The following C15orf40 variants were observed in gnomAD, a reference collection of about 807,000 sequenced individuals.
The protein encoded by C15orf40 is chromosome 15 open reading frame 40, also known as UPF0235 protein C15orf40.
C15orf40 carries 9 observed loss-of-function variants against 13.9 expected under a neutral mutation model. That is an observed-to-expected ratio of 0.65 (90% confidence interval 0.39 to 1.13). The LOEUF is 1.13. Among genes scored for constraint, C15orf40 ranks in the 50% most tolerant of loss-of-function variants. C15orf40 has a pLI of 0.01. For synonymous variants in C15orf40, 95 were observed against 69.2 expected (o/e 1.37, Z -1.85); for missense variants, 225 against 188.5 (o/e 1.19, Z -1.13).
At position 83,002,134 on chromosome 15, in the gene C15orf40, C is replaced by G. The variant is rs1394876711; in HGVS notation, c.*3463G>C. ...ATGGTGGCCAGGCTGGTCTTGAACT[C>G]CTGACCTCAGGTGATCCACCCACCT... On this transcript the variant is annotated 3_prime_UTR_variant, in exon 4 of 4. Coordinates refer to ENST00000304177, the MANE Select transcript of C15orf40 (RefSeq NM_144597.3). The G allele has an allele frequency of 1.3e-5, 2 of 152,250 alleles. No homozygotes were observed. Among genetic ancestry groups the G allele is most frequent in the African/African-American group, 4.8e-5 (2 of 41,450 alleles). The allele number at this position is 152,250 out of a possible 1,614,324, so 9.4% of individuals were successfully genotyped here.
In C15orf40 at chr15:83,005,423, T is replaced by A; in HGVS notation, c.*174A>T. On this transcript the variant is annotated 3_prime_UTR_variant, in exon 4 of 4. Coordinates refer to ENST00000304177, the MANE Select transcript of C15orf40 (RefSeq NM_144597.3). ...CCTCAGCCTCCTGAGTAACTGGGATTACAGGCATGCGCCATCACATCTGGC... is the reference window on the plus strand; with the variant it reads ...CCTCAGCCTCCTGAGTAACTGGGATAACAGGCATGCGCCATCACATCTGGC... The A allele has an allele frequency of 1.6e-6, 1 of 640,590 alleles. No individual in the cohort carries two copies. Among genetic ancestry groups the A allele is most frequent in the Non-Finnish European group, 2.2e-6 (1 of 453,670 alleles). 39.7% of individuals were successfully genotyped at this position (640,590 alleles called of 1,614,324 possible). A position where few individuals can be genotyped will look rare whatever the true frequency, so the allele number is the denominator to read the frequency against.
intron 2 of C15orf40, among the ~76,000 whole-genome samples, chr15:83,009,517 C>T (rs2031880458): frequency 6.6e-6 from 1 of 152,208 alleles, no homozygotes; most frequent in Admixed American, 6.5e-5. Flanking sequence ...GTTTGAAATA[C>T]AGAGCTTTAG....
At position 82,996,628 on chromosome 15, in the gene C15orf40, G is replaced by A. The variant is rs897275581; in HGVS notation, c.*8969C>T. The stretch of plus-strand genomic sequence containing the variant: ...ACTGCACTCCAGCCTGGGTGACAGA[G>A]TGAGACTCCGTCTCAAAATAAAATT... On this transcript the variant is annotated 3_prime_UTR_variant, in exon 4 of 4. Transcript: ENST00000304177. The A allele has an allele frequency of 2.6e-5, 4 of 151,592 alleles. No individual in the cohort carries two copies. The highest frequency in any genetic ancestry group is 5.9e-5 in the Non-Finnish European group (4 of 67,936). The allele number at this position is 151,592 out of a possible 1,614,324, so 9.4% of individuals were successfully genotyped here.
rs923195288 is a variant in C15orf40, at chr15:83,004,397, G to T, written c.*1200C>A. Reference sequence around the variant, plus strand: ...CGCACAACTGCAGATCAGCTCTCCTGATCAGCAAAGGAAATTAATTTTATT... The same window carrying T: ...CGCACAACTGCAGATCAGCTCTCCTTATCAGCAAAGGAAATTAATTTTATT... On this transcript the variant is annotated 3_prime_UTR_variant, in exon 4 of 4. Coordinates refer to ENST00000304177, the MANE Select transcript of C15orf40 (RefSeq NM_144597.3). 1.1e-5 allele frequency: 11 copies of T among 976,828 alleles called. No individual in the cohort carries two copies. The highest frequency in any genetic ancestry group is 1.2e-5 in the Non-Finnish European group (10 of 822,250). The allele number at this position is 976,828 out of a possible 1,614,324, so 60.5% of individuals were successfully genotyped here. A position where few individuals can be genotyped will look rare whatever the true frequency, so the allele number is the denominator to read the frequency against.
chr15:82,994,345 AATTTTATTT>A (rs1304919049), downstream of C15orf40, among the ~76,000 whole-genome samples: 1 of 141,896 alleles, frequency 7.0e-6, no homozygotes, highest in East Asian at 2.9e-4. Context: ...GTTTTTTAAA[AATTTTATTT>A]ATTTTAAACA....
chr15:83,004,682 TCTTTA>T lies in C15orf40; in HGVS notation c.*910_*914del, dbSNP rs1368122101. On this transcript the variant is annotated 3_prime_UTR_variant, in exon 4 of 4. Transcript: ENST00000304177. ...ACATTTAATTACAAGTCATGATTTT[TCTTTA>T]CTTTTTCAACAAAATGGTAAATATA... 1 of 918,724 alleles carries T rather than the reference TCTTTA, an allele frequency of 1.1e-6. No individual in the cohort carries two copies. Among genetic ancestry groups the T allele is most frequent in the Non-Finnish European group, 1.3e-6 (1 of 766,546 alleles). The allele number at this position is 918,724 out of a possible 1,614,324, so 56.9% of individuals were successfully genotyped here.
Position 82,997,214 on chromosome 15 carries a change from A to ATT in C15orf40, c.*8381_*8382dup, listed in dbSNP as rs1431630539. 1 of 94,360 alleles carries ATT rather than the reference A, an allele frequency of 1.1e-5. No homozygotes were observed. Among genetic ancestry groups the ATT allele is most frequent in the East Asian group, 3.0e-4 (1 of 3,338 alleles). 5.8% of individuals were successfully genotyped at this position (94,360 alleles called of 1,614,324 possible). A position where few individuals can be genotyped will look rare whatever the true frequency, so the allele number is the denominator to read the frequency against. Reference sequence around the variant, plus strand: ...TTTTGTTTTTCATTTTTATTTATTTATTTTTATTTTTTTTTAATTTATTTT... The same window carrying ATT: ...TTTTGTTTTTCATTTTTATTTATTTATTTTTTTATTTTTTTTTAATTTATTTT... On this transcript the variant is annotated 3_prime_UTR_variant, in exon 4 of 4. Transcript: ENST00000304177.
chr15:82,992,667 C>CG (rs1438509550), downstream of C15orf40, among the ~76,000 whole-genome samples: 12 of 152,154 alleles, frequency 7.9e-5, no homozygotes, highest in Admixed American at 7.9e-4. Context: ...CCAAGGCCAG[C>CG]GCTGGAGGAG....
chr15:83,004,814 G>A lies in C15orf40; in HGVS notation c.*783C>T, dbSNP rs750172753. 1.1e-4 allele frequency: 137 copies of A among 1,251,418 alleles called. No homozygotes were observed. Among genetic ancestry groups the A allele is most frequent in the Non-Finnish European group, 1.3e-4 (129 of 957,254 alleles). The allele number at this position is 1,251,418 out of a possible 1,614,324, so 77.5% of individuals were successfully genotyped here. ...CAGCATAACAGGTTTTCTGTCACTT[G>A]TAAACTGGATTAGAAGGCAATCCCC... On this transcript the variant is annotated 3_prime_UTR_variant, in exon 4 of 4. Coordinates refer to ENST00000304177, the MANE Select transcript of C15orf40 (RefSeq NM_144597.3).
intron 3 of C15orf40, 130 bp downstream of exon 3, chr15:83,008,418 C>T: frequency 2.2e-6 from 2 of 906,374 alleles, no homozygotes; most frequent in Non-Finnish European, 1.7e-6. Context: ...ACTCAGGAAG[C>T]TGAGGCAGGA....
chr15:83,001,084 A>C lies in C15orf40; in HGVS notation c.*4513T>G. ...CGCCTCAGCCTCCCAAAGTGCTGGG[A>C]TTACAGGCATAAGCCACTGCACTGG... On this transcript the variant is annotated 3_prime_UTR_variant, in exon 4 of 4. Transcript: ENST00000304177. 1.0e-6 allele frequency: 1 copy of C among 984,840 alleles called. No individual in the cohort carries two copies. The allele number at this position is 984,840 out of a possible 1,614,324, so 61.0% of individuals were successfully genotyped here.
chr15:83,011,367 G>C, intron 1 of C15orf40, 130 bp downstream of exon 1: 1 of 1,088,828 alleles, frequency 9.2e-7, no homozygotes, highest in South Asian at 1.8e-5. Context: ...CGGCTGTCCT[G>C]AGCCCCGGAA....
Position 83,000,561 on chromosome 15 carries a change from G to A in C15orf40, c.*5036C>T, listed in dbSNP as rs2031375455. On this transcript the variant is annotated 3_prime_UTR_variant, in exon 4 of 4. Coordinates refer to ENST00000304177, the MANE Select transcript of C15orf40 (RefSeq NM_144597.3). ...CCTAATAGTGCTGTTCACTACAAAA[G>A]GAAACGAGTTTCAGTTTGTGTGGCT... 6.6e-6 allele frequency: 1 copy of A among 152,188 alleles called. No homozygotes were observed. The allele number at this position is 152,188 out of a possible 1,614,324, so 9.4% of individuals were successfully genotyped here.
Position 82,998,005 on chromosome 15 carries a change from G to C in C15orf40, c.*7592C>G, listed in dbSNP as rs1448874487. ...TCCCGGACGGGGCGGCTGGCCAGGC[G>C]GGGGGCTGACCCCCCCACCTCCCTC... On this transcript the variant is annotated 3_prime_UTR_variant, in exon 4 of 4. Transcript: ENST00000304177. 1 of 137,292 alleles carries C rather than the reference G, an allele frequency of 7.3e-6. No individual in the cohort carries two copies. The highest frequency in any genetic ancestry group is 2.2e-4 in the East Asian group (1 of 4,514). The allele number at this position is 137,292 out of a possible 1,614,324, so 8.5% of individuals were successfully genotyped here. A position where few individuals can be genotyped will look rare whatever the true frequency, so the allele number is the denominator to read the frequency against.
Position 82,996,190 on chromosome 15 carries a change from T to C in C15orf40, c.*9407A>G, listed in dbSNP as rs2031063146. 6.6e-6 allele frequency: 1 copy of C among 152,266 alleles called. No individual in the cohort carries two copies. Among genetic ancestry groups the C allele is most frequent in the Admixed American group, 6.5e-5 (1 of 15,288 alleles). 9.4% of individuals were successfully genotyped at this position (152,266 alleles called of 1,614,324 possible). A position where few individuals can be genotyped will look rare whatever the true frequency, so the allele number is the denominator to read the frequency against. Reference sequence around the variant, plus strand: ...AGGGGATGATGTGATGATGATCTCATGGTTTTTTTCCACTGCTCGTGCCTT... The same window carrying C: ...AGGGGATGATGTGATGATGATCTCACGGTTTTTTTCCACTGCTCGTGCCTT... On this transcript the variant is annotated 3_prime_UTR_variant, in exon 4 of 4. Transcript: ENST00000304177.
chr15:82,990,727 C>T, downstream of C15orf40: 1 of 1,258,988 alleles, frequency 7.9e-7, no homozygotes, highest in Non-Finnish European at 1.1e-6. Context: ...GGGTACACAT[C>T]ATTTTATACA....
rs1389245430 is a variant in C15orf40 at position 82,999,910 on chromosome 15, A to C, written c.*5687T>G. On this transcript the variant is annotated 3_prime_UTR_variant, in exon 4 of 4. Coordinates refer to ENST00000304177, the MANE Select transcript of C15orf40 (RefSeq NM_144597.3). ...ACTAAATTATGAGGATTGTCTGAGG[A>C]ATGCCTATGTGGGTAGAAATAGGTG... 6.6e-6 allele frequency: 1 copy of C among 152,154 alleles called. No homozygotes were observed. Among genetic ancestry groups the C allele is most frequent in the Non-Finnish European group, 1.5e-5 (1 of 68,044 alleles). 9.4% of individuals were successfully genotyped at this position (152,154 alleles called of 1,614,324 possible).
downstream of C15orf40, chr15:82,989,264 G>C (rs1194862000): frequency 5.3e-6 from 8 of 1,502,098 alleles, no homozygotes; most frequent in South Asian, 1.3e-5. Context: ...TGGAAGGCCA[G>C]TGAGGGCAGG....
rs918942721 is a variant in C15orf40 at position 83,004,130 on chromosome 15, T to C, written c.*1467A>G. 1 of 152,404 alleles carries C rather than the reference T, an allele frequency of 6.6e-6. No individual in the cohort carries two copies. The highest frequency in any genetic ancestry group is 2.4e-5 in the African/African-American group (1 of 41,026). 9.4% of individuals were successfully genotyped at this position (152,404 alleles called of 1,614,324 possible). A position where few individuals can be genotyped will look rare whatever the true frequency, so the allele number is the denominator to read the frequency against. On this transcript the variant is annotated 3_prime_UTR_variant, in exon 4 of 4. Transcript: ENST00000304177. ...TGTATAAAATCTATCTATGTATATC[T>C]ATCTATCTATAAAGAAAGAGACAGA...
Sources: allele counts gnomAD v4.1 joint callset (sites outside exome capture counted in the v4.1 genomes callset), GRCh38; gene constraint gnomAD v4.1.1; transcripts MANE v1.5; gene names NCBI Gene and HGNC (gene_info 2026-07-23, HGNC 2026-07-21).